CNOT4: variants seen among roughly 807,000 people sequenced by gnomAD.
CNOT4 encodes the protein CCR4-NOT transcription complex subunit 4.
Under a neutral mutation model 73.8 loss-of-function variants are expected in CNOT4, and 8 were observed. The ratio of observed to expected loss-of-function variants is 0.11; its 90% CI spans 0.06 to 0.20. The LOEUF is 0.20. CNOT4 is among the 10% of genes least tolerant of loss of function. The pLI, the probability that CNOT4 is intolerant of heterozygous loss-of-function variation, is 1.00. For synonymous variants in CNOT4, 293 were observed against 321.1 expected, an observed-to-expected ratio of 0.91 and a Z score of 0.94; for missense variants, 564 against 883.4, an observed-to-expected ratio of 0.64 and a Z score of 4.58.
rs1258283946 is a variant in CNOT4, at chr7:135,394,339, G to A, written c.1206C>T (p.Asp402=). 1 of 1,614,140 alleles carries A rather than the reference G, an allele frequency of 6.2e-7. No individual in the cohort carries two copies. Among genetic ancestry groups the A allele is most frequent in the Non-Finnish European group, 8.5e-7 (1 of 1,179,992 alleles). Residue 402 remains aspartate (D), a synonymous_variant, in exon 10 of 12, where the codon GAC becomes GAT. Coordinates refer to ENST00000541284, the MANE Select transcript of CNOT4 (RefSeq NM_001190850.2). ...TGACATCGAAGGGATCAAAACCCAA[G>A]TCATCCTCTGGTTGTTTAGAAGAAC... is the stretch of plus-strand genomic sequence containing the variant. ...GFGSSKQPED[D]LGFDPFDVTR... is the part of the protein sequence containing the mutation.
intron 1 of CNOT4, among the ~76,000 whole-genome samples, chr7:135,471,610 A>G (rs1482121696): frequency 6.6e-6 from 1 of 152,230 alleles, no homozygotes; most frequent in Non-Finnish European, 1.5e-5. Context: ...TAAATTATCT[A>G]TTTTATGTAT....
chr7:135,417,664 T>C (rs1378301513), intron 3 of CNOT4, among the ~76,000 whole-genome samples: 1 of 152,198 alleles, frequency 6.6e-6, no homozygotes, highest in African/African-American at 2.4e-5. Context: ...ACCGTGTCAC[T>C]CTGTTCTTAA....
At chr7:135,477,479 T>C (rs1421165779) in intron 1 of CNOT4, among the ~76,000 whole-genome samples, 4 of 152,254 alleles carry the variant, frequency 2.6e-5, no homozygotes, top group Non-Finnish European at 5.9e-5. Flanking sequence ...CTGTGTATTC[T>C]TATAGACACA....
chr7:135,504,588 G>T (rs1353260995), intron 1 of CNOT4, among the ~76,000 whole-genome samples: 2 of 109,812 alleles, frequency 1.8e-5, no homozygotes, highest in Non-Finnish European at 3.7e-5. Context: ...CCGGGTTCAC[G>T]CCATTCTCCT....
chr7:135,368,552 T>C (rs1384496936), intron 10 of CNOT4, among the ~76,000 whole-genome samples: 1 of 152,178 alleles, frequency 6.6e-6, no homozygotes, highest in African/African-American at 2.4e-5. Context: ...ATGATTAAAA[T>C]ATGCTACATA....
intron 2 of CNOT4, among the ~76,000 whole-genome samples, chr7:135,432,016 T>C (rs1009574235): frequency 1.3e-5 from 2 of 152,164 alleles, no homozygotes; most frequent in African/African-American, 4.8e-5. Flanking sequence ...GATTCAAAAA[T>C]TTATGTGCAA....
chr7:135,476,999 CTATTT>C (rs111850364), intron 1 of CNOT4, among the ~76,000 whole-genome samples: 4 of 152,258 alleles, frequency 2.6e-5, no homozygotes, highest in African/African-American at 4.8e-5. Flanking sequence ...GACTTTTCTT[CTATTT>C]TGTCATTTTT....
chr7:135,389,154 T>C (rs1412382368), intron 10 of CNOT4, among the ~76,000 whole-genome samples: 1 of 53,634 alleles, frequency 1.9e-5, no homozygotes, highest in Non-Finnish European at 3.4e-5. Context: ...ATAAACATAC[T>C]ACCAAAAAAA....
chr7:135,475,773 T>C (rs1250939418), intron 1 of CNOT4, among the ~76,000 whole-genome samples: 1 of 152,028 alleles, frequency 6.6e-6, no homozygotes, highest in Admixed American at 6.6e-5. Flanking sequence ...CAGCCACGCA[T>C]GGTGGTGCAC....
At chr7:135,462,573 T>C (rs1310090135) in intron 1 of CNOT4, among the ~76,000 whole-genome samples, 1 of 152,226 alleles carries the variant, frequency 6.6e-6, no homozygotes, top group African/African-American at 2.4e-5. Context: ...AATACTTCCT[T>C]ATACTTTTGT....
chr7:135,449,773 G>A (rs559098019), intron 1 of CNOT4, among the ~76,000 whole-genome samples: 2 of 151,394 alleles, frequency 1.3e-5, no homozygotes, highest in East Asian at 3.9e-4. Flanking sequence ...TGGACTAGGT[G>A]TTAGATGATG....
intron 1 of CNOT4, among the ~76,000 whole-genome samples, chr7:135,470,100 G>A (rs146805308): frequency 6.6e-6 from 1 of 151,866 alleles, no homozygotes; most frequent in Non-Finnish European, 1.5e-5. Flanking sequence ...TGGGATTACA[G>A]GAGTGAGACA....
At chr7:135,407,040 T>C (rs1210772388) in intron 7 of CNOT4, among the ~76,000 whole-genome samples, 1 of 152,164 alleles carries the variant, frequency 6.6e-6, no homozygotes, top group Non-Finnish European at 1.5e-5. Context: ...GCTTGGGCCA[T>C]CCCCTTGGTG....
intron 10 of CNOT4, among the ~76,000 whole-genome samples, chr7:135,371,865 T>G (rs1023926132): frequency 6.6e-6 from 1 of 152,090 alleles, no homozygotes; most frequent in Admixed American, 6.5e-5. Flanking sequence ...CAACGCTAAA[T>G]GAGGGCAAGG....
intron 7 of CNOT4, 31 bp downstream of exon 7, chr7:135,410,484 A>G (rs373184618): frequency 3.3e-4 from 447 of 1,364,770 alleles, no homozygotes; most frequent in Non-Finnish European, 4.0e-4. Flanking sequence ...ATAAGAAGGT[A>G]AGATGTCTGA....
At chr7:135,444,676 T>C (rs551832714) in intron 1 of CNOT4, 2 of 1,176,240 alleles carry the variant, frequency 1.7e-6, no homozygotes, top group South Asian at 2.4e-5. Flanking sequence ...TTCAGTGTTT[T>C]GCTCCTGGGT....
chr7:135,395,859 G>A lies in CNOT4; in HGVS notation c.904C>T (p.Pro302Ser). The A allele has an allele frequency of 6.2e-7, 1 of 1,608,198 alleles. No individual in the cohort carries two copies. Among genetic ancestry groups the A allele is most frequent in the Non-Finnish European group, 8.5e-7 (1 of 1,174,604 alleles). ...TTGGATTTTGACAAACCAGGTGGTG[G>A]TGAAGGCGTATCACTGTTAGATATC... is the stretch of plus-strand genomic sequence containing the variant. ...QQISNSDTPS[P>S]PPGLSKSNPV... Residue 302 changes from proline (P) to serine (S), a missense_variant, in exon 9 of 12, where the codon CCA (proline) becomes TCA (serine). By Grantham distance (74) the Pro-to-Ser change is moderately conservative. Around this residue, in one of 10 missense-constraint regions of CNOT4, gnomAD observed 135 missense variants for 154.0 expected, o/e 0.88. Coordinates refer to ENST00000541284, the MANE Select transcript of CNOT4 (RefSeq NM_001190850.2).
chr7:135,463,844 A>C (rs1801042561), intron 1 of CNOT4, among the ~76,000 whole-genome samples: 1 of 152,054 alleles, frequency 6.6e-6, no homozygotes, highest in Admixed American at 6.6e-5. Context: ...AGAGAAAAAC[A>C]AACAATCTCA....
At chr7:135,457,774 T>A (rs570810160) in intron 1 of CNOT4, among the ~76,000 whole-genome samples, 1 of 152,214 alleles carries the variant, frequency 6.6e-6, no homozygotes, top group African/African-American at 2.4e-5. Context: ...AATATCTAAG[T>A]CACCAAGGAC....
Sources: gnomAD v4.1 joint callset for allele counts (sites outside exome capture counted in the v4.1 genomes callset) on GRCh38, gnomAD v4.1.1 for gene constraint, gnomAD v4.1.1 regional missense constraint, MANE v1.5 for transcripts, NCBI Gene and HGNC (gene_info 2026-07-23, HGNC 2026-07-21) for gene names.